Variants in ORC5 observed in about 807,000 individuals in gnomAD.
The protein encoded by ORC5 is protein phosphatase 1, regulatory subunit 117.
Under a neutral mutation model 58.8 loss-of-function variants are expected in ORC5, and 39 were observed. The observed-to-expected ratio is 0.66, with a 90% confidence interval of 0.51 to 0.87. The LOEUF (loss-of-function observed/expected upper bound fraction) is 0.87, where lower values mean the gene tolerates loss of function less well. Ranked by LOEUF, ORC5 falls within the 40% of genes least tolerant of loss-of-function variation. The pLI is 0.00. For synonymous variants in ORC5, 218 were observed against 177.6 expected (o/e 1.23, Z -1.81); for missense variants, 493 against 506.3 (o/e 0.97, Z 0.25).
At chr7:104,184,663 T>G (rs1351084749) in intron 6 of ORC5, among the ~76,000 whole-genome samples, 1 of 150,984 alleles carries the variant, frequency 6.6e-6, no homozygotes, top group Non-Finnish European at 1.5e-5. Context: ...TCAGAAGGGC[T>G]GCAAGCACAA....
At chr7:104,150,102 G>C (rs765131077) in intron 12 of ORC5, among the ~76,000 whole-genome samples, 13 of 152,086 alleles carry the variant, frequency 8.5e-5, no homozygotes, top group Non-Finnish European at 1.5e-4. Flanking sequence ...GCTTCAGCTG[G>C]AAATGCTTGA....
intron 1 of ORC5, 101 bp downstream of exon 1, chr7:104,207,732 T>G (rs529296667): frequency 8.9e-7 from 1 of 1,118,296 alleles, no homozygotes. Context: ...AAACGGCCTT[T>G]TGGCCCTCAA....
chr7:104,201,733 T>G (rs1799948559), intron 2 of ORC5, among the ~76,000 whole-genome samples: 1 of 131,506 alleles, frequency 7.6e-6, no homozygotes. Context: ...AATAAACGTT[T>G]ACTAAGTCAA....
At chr7:104,191,601 T>G (rs749985531) in intron 5 of ORC5, among the ~76,000 whole-genome samples, 31 of 150,714 alleles carry the variant, frequency 2.1e-4, no homozygotes, top group Non-Finnish European at 4.5e-4. Flanking sequence ...ATCCTCACTG[T>G]GTTGCTGTAA....
intron 8 of ORC5, among the ~76,000 whole-genome samples, chr7:104,180,269 G>C (rs1281788607): frequency 6.6e-6 from 1 of 152,184 alleles, no homozygotes; most frequent in African/African-American, 2.4e-5. Flanking sequence ...CAATCATACT[G>C]CAAGAGGTTT....
intron 12 of ORC5, among the ~76,000 whole-genome samples, chr7:104,145,937 A>G (rs1007130735): frequency 3.3e-5 from 5 of 152,200 alleles, no homozygotes; most frequent in Admixed American, 2.0e-4. Context: ...ATCTAGCAAA[A>G]CTATCCTTCA....
chr7:104,193,294 T>C (rs1489949885), intron 5 of ORC5, among the ~76,000 whole-genome samples: 2 of 152,162 alleles, frequency 1.3e-5, no homozygotes, highest in African/African-American at 2.4e-5. Context: ...AAGTAAAATG[T>C]AAGACAACAG....
At chr7:104,191,672 T>C (rs1341309595) in intron 5 of ORC5, among the ~76,000 whole-genome samples, 1 of 152,038 alleles carries the variant, frequency 6.6e-6, no homozygotes, top group East Asian at 1.9e-4. Context: ...AATTCTATAA[T>C]AAGCAAGTCA....
At chr7:104,194,990 AAATTCCCATTTGAATATCAAATTTAT>A (rs1272425271) in intron 5 of ORC5, among the ~76,000 whole-genome samples, 127 bp downstream of exon 5, 15 of 152,114 alleles carry the variant, frequency 9.9e-5, no homozygotes, top group South Asian at 2.1e-4. Flanking sequence ...TTTCAATATC[AAATTCCCATTTGAATATCAAATTTAT>A]AATTCCCATT....
intron 13 of ORC5, among the ~76,000 whole-genome samples, chr7:104,135,919 A>G (rs1037635968): frequency 3.9e-5 from 6 of 152,202 alleles, no homozygotes; most frequent in Non-Finnish European, 8.8e-5. Context: ...GCCAGTCTAC[A>G]CACTCATCAC....
intron 13 of ORC5, among the ~76,000 whole-genome samples, chr7:104,127,110 C>A (rs1170920992): frequency 5.4e-5 from 8 of 149,002 alleles, no homozygotes; most frequent in African/African-American, 2.0e-4. Context: ...ACGAAGTTTG[C>A]CTTTCTAAAA....
At chr7:104,135,056 T>A (rs1056649072) in intron 13 of ORC5, among the ~76,000 whole-genome samples, 1 of 152,164 alleles carries the variant, frequency 6.6e-6, no homozygotes, top group Non-Finnish European at 1.5e-5. Flanking sequence ...CTAACATCCA[T>A]CACTGTGATG....
At chr7:104,131,220 C>G (rs1009946363) in intron 13 of ORC5, among the ~76,000 whole-genome samples, 1 of 152,090 alleles carries the variant, frequency 6.6e-6, no homozygotes, top group African/African-American at 2.4e-5. Flanking sequence ...TCAATTTTGT[C>G]TCCTCCTTCT....
intron 12 of ORC5, among the ~76,000 whole-genome samples, chr7:104,143,524 A>C (rs1361958963): frequency 2.0e-5 from 3 of 152,222 alleles, no homozygotes; most frequent in Admixed American, 1.3e-4. Context: ...TGCAAAGAAT[A>C]TAATATCACT....
At chr7:104,182,626 C>T (rs1799458271) in intron 8 of ORC5, among the ~76,000 whole-genome samples, 1 of 151,704 alleles carries the variant, frequency 6.6e-6, no homozygotes, top group African/African-American at 2.4e-5. Context: ...CGAATAAATT[C>T]CTCTGGAAAA....
chr7:104,196,925 G>A (rs76345467), intron 4 of ORC5, among the ~76,000 whole-genome samples: 2,765 of 152,150 alleles, frequency 0.018, 75 homozygotes, highest in African/African-American at 0.063. Flanking sequence ...AACAACCACA[G>A]CTATTTCCCT....
intron 2 of ORC5, chr7:104,202,473 G>A (rs1799968059): frequency 2.2e-6 from 1 of 453,492 alleles, no homozygotes; most frequent in African/African-American, 2.0e-5. Context: ...GTTATGAATA[G>A]TGTCTTGCTT....
chr7:104,205,720 C>CA (rs1267191208), intron 1 of ORC5, among the ~76,000 whole-genome samples: 2 of 152,094 alleles, frequency 1.3e-5, no homozygotes, highest in Non-Finnish European at 2.9e-5. Context: ...TTAACTGGCC[C>CA]AAAAATTCTG....
chr7:104,173,478 A>G (rs966353690), intron 8 of ORC5, among the ~76,000 whole-genome samples: 3 of 152,194 alleles, frequency 2.0e-5, no homozygotes, highest in East Asian at 1.9e-4. Flanking sequence ...CACCTTCAGA[A>G]GGAATCAGCA....
Sources: allele counts gnomAD v4.1 joint callset (sites outside exome capture counted in the v4.1 genomes callset), GRCh38; gene constraint gnomAD v4.1.1; transcripts MANE v1.5; gene names NCBI Gene and HGNC (gene_info 2026-07-23, HGNC 2026-07-21).